Variants in OMA1 observed in about 807,000 individuals in gnomAD.
The protein encoded by OMA1 is OMA1 zinc metallopeptidase.
In OMA1, 38 loss-of-function variants were observed where a neutral mutation model predicts 30.9. The ratio of observed to expected loss-of-function variants is 1.23; its 90% CI spans 0.95 to 1.61. The LOEUF (loss-of-function observed/expected upper bound fraction) is 1.61, where lower values mean the gene tolerates loss of function less well. OMA1 is among the 40% of genes most tolerant of loss of function. The pLI is 0.00. For missense variants in OMA1, 461 were observed against 349.2 expected (o/e 1.32, Z -2.55); for synonymous variants, 173 against 121.9 (o/e 1.42, Z -2.76).
intron 7 of OMA1, among the ~76,000 whole-genome samples, chr1:58,518,845 G>A (rs777882523): frequency 1.1e-4 from 16 of 152,098 alleles, no homozygotes; most frequent in Admixed American, 4.6e-4. Flanking sequence ...TAAAAGACAC[G>A]AGCTCTAAGA....
At chr1:58,494,938 T>A (rs942571686) in intron 8 of OMA1, among the ~76,000 whole-genome samples, 4 of 152,206 alleles carry the variant, frequency 2.6e-5, no homozygotes, top group Admixed American at 6.5e-5. Flanking sequence ...TAAAGGATTA[T>A]AAATCATGCT....
intron 8 of OMA1, among the ~76,000 whole-genome samples, chr1:58,498,145 T>C (rs1224854467): frequency 6.6e-6 from 1 of 152,030 alleles, no homozygotes; most frequent in African/African-American, 2.4e-5. Flanking sequence ...CTGTTCAATA[T>C]CAGTGGGTGA....
rs576005631 is a variant in OMA1 at position 58,481,120 on chromosome 1, G to A, written c.1420C>T (p.Arg474Ter). 2.2e-5 allele frequency: 19 copies of A among 871,680 alleles called. No individual in the cohort carries two copies. The highest frequency in any genetic ancestry group is 3.9e-5 in the South Asian group (3 of 76,490). The allele number at this position is 871,680 out of a possible 1,614,324, so 54.0% of individuals were successfully genotyped here. A position where few individuals can be genotyped will look rare whatever the true frequency, so the allele number is the denominator to read the frequency against. The change falls in exon 9 of 9, where the codon CGA (arginine) becomes TGA (stop). Residue 474 changes from arginine to a stop codon, truncating the protein, a stop_gained. Coordinates refer to ENST00000371226, the MANE Select transcript of OMA1 (RefSeq NM_145243.5). LOFTEE classifies it high-confidence loss of function. ...TTCGTGCTGAGTTTGAATAGTAATCGAGGGTCTGGATTAGACAGTGGTGGA... is the reference window on the plus strand; with the variant it reads ...TTCGTGCTGAGTTTGAATAGTAATCAAGGGTCTGGATTAGACAGTGGTGGA... ...NCPPLSNPDP[R>*]LLFKLSTKHF...
chr1:58,495,808 CAAG>C (rs1645790840), intron 8 of OMA1, among the ~76,000 whole-genome samples: 1 of 151,992 alleles, frequency 6.6e-6, no homozygotes, highest in Non-Finnish European at 1.5e-5. Context: ...CCTCCAACAG[CAAG>C]AAGTATAAGA....
intron 8 of OMA1, among the ~76,000 whole-genome samples, chr1:58,500,359 CCAA>C (rs2100403333): frequency 6.6e-6 from 1 of 152,214 alleles, no homozygotes; most frequent in African/African-American, 2.4e-5. Context: ...TGTACACTGG[CCAA>C]CAACGACATT....
intron 2 of OMA1, among the ~76,000 whole-genome samples, 193 bp from the exon 3 acceptor site, chr1:58,536,934 C>G (rs536680713): frequency 6.6e-6 from 1 of 152,176 alleles, no homozygotes; most frequent in African/African-American, 2.4e-5. Context: ...TGTAAAGTTA[C>G]AGTTAAAAAA....
intron 7 of OMA1, among the ~76,000 whole-genome samples, chr1:58,506,952 T>A (rs1415728158): frequency 6.6e-6 from 1 of 151,704 alleles, no homozygotes; most frequent in African/African-American, 2.4e-5. Flanking sequence ...AATTCCATCA[T>A]ACACTCATAT....
chr1:58,509,609 A>AG (rs1169950942), intron 7 of OMA1, among the ~76,000 whole-genome samples: 4 of 151,612 alleles, frequency 2.6e-5, no homozygotes, highest in Non-Finnish European at 5.9e-5. Flanking sequence ...AGAAAAAAAA[A>AG]AAAGGACTAA....
intron 8 of OMA1, among the ~76,000 whole-genome samples, chr1:58,493,263 A>G (rs993595049): frequency 6.6e-6 from 1 of 152,248 alleles, no homozygotes; most frequent in Non-Finnish European, 1.5e-5. Flanking sequence ...GATGGGACGT[A>G]TCTCAAAATA....
At chr1:58,487,031 C>T (rs1645588101) in intron 8 of OMA1, among the ~76,000 whole-genome samples, 1 of 152,176 alleles carries the variant, frequency 6.6e-6, no homozygotes, top group South Asian at 2.1e-4. Flanking sequence ...AAGGAAAGGA[C>T]ATTACAATGA....
At chr1:58,491,288 CG>C (rs1238805570) in intron 8 of OMA1, among the ~76,000 whole-genome samples, 4 of 152,100 alleles carry the variant, frequency 2.6e-5, no homozygotes, top group Admixed American at 2.0e-4. Flanking sequence ...AAGGAACAAC[CG>C]GTACCAGCCG....
At chr1:58,537,501 A>G (rs759711557) in intron 2 of OMA1, among the ~76,000 whole-genome samples, 36 of 152,216 alleles carry the variant, frequency 2.4e-4, no homozygotes, top group African/African-American at 7.2e-5. Context: ...GATTTTATAG[A>G]TAACATCTGA....
chr1:58,534,015 C>T lies in OMA1; in HGVS notation c.949G>A (p.Asp317Asn), dbSNP rs546583655. 11 of 871,334 alleles carry T rather than the reference C, an allele frequency of 1.3e-5. No individual in the cohort carries two copies. Among genetic ancestry groups the T allele is most frequent in the Admixed American group, 5.1e-5 (3 of 58,872 alleles). The allele number at this position is 871,334 out of a possible 1,614,324, so 54.0% of individuals were successfully genotyped here. A position where few individuals can be genotyped will look rare whatever the true frequency, so the allele number is the denominator to read the frequency against. ...AGAAGGAAAGAAAGTTGATGAATAT[C>T]GGTTACACTATTTAAAAATCCAGTG... ...VFTGFLNSVT[D>N]IHQLSFLLGH... The change falls in exon 5 of 9, where the codon GAT (aspartate) becomes AAT (asparagine). Residue 317 changes from aspartate (D) to asparagine (N), a missense_variant. By Grantham distance (23) the Asp-to-Asn change is conservative. Coordinates refer to ENST00000371226, the MANE Select transcript of OMA1 (RefSeq NM_145243.5).
chr1:58,510,279 C>T (rs1183386493), intron 7 of OMA1, among the ~76,000 whole-genome samples: 1 of 152,024 alleles, frequency 6.6e-6, no homozygotes, highest in African/African-American at 2.4e-5. Context: ...AGGATCACAC[C>T]TCATGACCAA....
chr1:58,489,303 C>T (rs143930405), intron 8 of OMA1, among the ~76,000 whole-genome samples: 10 of 152,358 alleles, frequency 6.6e-5, no homozygotes, highest in African/African-American at 2.2e-4. Flanking sequence ...ATATCCCACG[C>T]CTGGCTCAAA....
intron 7 of OMA1, among the ~76,000 whole-genome samples, chr1:58,521,307 C>T (rs1307979649): frequency 2.0e-5 from 3 of 147,778 alleles, no homozygotes; most frequent in South Asian, 2.2e-4. Context: ...GGAAAATGTA[C>T]GGCCTTAAAT....
rs530013726 is a variant in OMA1, at chr1:58,531,957, T to C, written c.1012-1228A>G. Among the ~76,000 whole-genome samples the C allele has an allele frequency of 4.8e-4, 73 of 152,196 alleles. 1 individual carries two copies. In the South Asian group the frequency reaches 0.015, roughly 31 times the overall value. On this transcript the variant is annotated intron_variant, in intron 5 of 8. Transcript: ENST00000371226. Reference sequence around the variant, plus strand: ...CTCCTGACCTCATGATCCACCCACCTCAGCCTCCCAAAGTGCTGGGATTAC... The same window carrying C: ...CTCCTGACCTCATGATCCACCCACCCCAGCCTCCCAAAGTGCTGGGATTAC...
At chr1:58,539,933 G>A (rs1306596007) in intron 1 of OMA1, among the ~76,000 whole-genome samples, 1 of 152,144 alleles carries the variant, frequency 6.6e-6, no homozygotes, top group Non-Finnish European at 1.5e-5. Flanking sequence ...GACAAGAGCT[G>A]CACAGAGAAA....
intron 7 of OMA1, among the ~76,000 whole-genome samples, chr1:58,513,236 C>A (rs1292842493): frequency 1.3e-5 from 2 of 152,178 alleles, no homozygotes; most frequent in Non-Finnish European, 2.9e-5. Context: ...CTTACACACT[C>A]TTCCTCTCTT....
Sources: allele counts gnomAD v4.1 joint callset (sites outside exome capture counted in the v4.1 genomes callset), GRCh38; gene constraint gnomAD v4.1.1; transcripts MANE v1.5; gene names NCBI Gene and HGNC (gene_info 2026-07-23, HGNC 2026-07-21).